Variants in CDH8 observed in about 807,000 individuals in gnomAD.
CDH8 encodes cadherin 8.
CDH8 carries 17 observed loss-of-function variants against 68.1 expected under a neutral mutation model. The observed-to-expected ratio is 0.25, with a 90% CI of 0.17 to 0.37. The LOEUF (loss-of-function observed/expected upper bound fraction) is 0.37. Ranked by LOEUF, CDH8 falls within the 10% of genes least tolerant of loss-of-function variation. The pLI is 1.00. For missense variants in CDH8, 763 were observed against 999.3 expected (o/e 0.76, Z 3.19); for synonymous variants, 372 against 365.1 (o/e 1.02, Z -0.21).
chr16:62,004,248 A>C (rs1034115006), intron 2 of CDH8, among the ~76,000 whole-genome samples: 25 of 152,198 alleles, frequency 1.6e-4, no homozygotes, highest in Non-Finnish European at 2.6e-4. Flanking sequence ...CAAATCTTAC[A>C]TAGTACCTTT....
intron 2 of CDH8, among the ~76,000 whole-genome samples, chr16:61,942,502 T>TAAAACAAAAC (rs1178635633): frequency 6.6e-6 from 1 of 151,952 alleles, no homozygotes; most frequent in Non-Finnish European, 1.5e-5. Flanking sequence ...AGACTGCCTC[T>TAAAACAAAAC]AAAACAAAAC....
rs1277333078 is a variant in CDH8 at position 61,695,470 on chromosome 16, T to C, written c.1654+18371A>G. On this transcript the variant is annotated intron_variant, in intron 10 of 11. Coordinates refer to ENST00000577390, the MANE Select transcript of CDH8 (RefSeq NM_001796.5). The stretch of plus-strand genomic sequence containing the variant: ...ATGACCTTATTTGGGTCAATTCGTT[T>C]AGTAATAATCCCTTGATCTGAGGCC... 5.9e-5 allele frequency among the ~76,000 whole-genome samples: 9 copies of C among 152,184 alleles called. No homozygotes were observed. In the East Asian group the frequency reaches 1.7e-3, roughly 29 times the overall value.
intron 10 of CDH8, among the ~76,000 whole-genome samples, chr16:61,657,770 CTA>C (rs1304676996): frequency 6.6e-6 from 1 of 152,032 alleles, no homozygotes; most frequent in Non-Finnish European, 1.5e-5. Context: ...GTTGACATTT[CTA>C]TGAGAAACAA....
rs116343436 is a variant in CDH8, at chr16:61,773,289, A to G, written c.1414+16057T>C. Among the ~76,000 whole-genome samples the G allele has an allele frequency of 9.2e-3, 1,393 of 152,156 alleles. 29 individuals carry two copies. The highest frequency in any genetic ancestry group is 0.032 in the African/African-American group (1,343 of 41,538). On this transcript the variant is annotated intron_variant, in intron 8 of 11. Coordinates refer to ENST00000577390, the MANE Select transcript of CDH8 (RefSeq NM_001796.5). ...AGAATCTCACCCTACTCCACACTACATACATGATTTTTTTGTGTGAATGAT... is the reference window on the plus strand; with the variant it reads ...AGAATCTCACCCTACTCCACACTACGTACATGATTTTTTTGTGTGAATGAT...
At chr16:61,755,707 G>T (rs1362974353) in intron 8 of CDH8, among the ~76,000 whole-genome samples, 1 of 151,918 alleles carries the variant, frequency 6.6e-6, no homozygotes, top group Non-Finnish European at 1.5e-5. Flanking sequence ...ATTTAATCAA[G>T]ATAAAATAAC....
intron 2 of CDH8, among the ~76,000 whole-genome samples, chr16:62,016,696 C>A (rs1053038539): frequency 1.3e-5 from 2 of 152,216 alleles, no homozygotes; most frequent in African/African-American, 4.8e-5. Flanking sequence ...CTCTGCCTTG[C>A]CTTGGTCCAC....
At chr16:61,770,149 C>T (rs1179768926) in intron 8 of CDH8, among the ~76,000 whole-genome samples, 1 of 151,830 alleles carries the variant, frequency 6.6e-6, no homozygotes, top group Non-Finnish European at 1.5e-5. Flanking sequence ...CAGGTTACAT[C>T]CATCTAAACA....
intron 8 of CDH8, among the ~76,000 whole-genome samples, chr16:61,740,989 A>G (rs1449153245): frequency 1.3e-5 from 2 of 152,166 alleles, no homozygotes; most frequent in Non-Finnish European, 2.9e-5. Context: ...GGATATACCA[A>G]CTTACCCTCT....
chr16:61,712,867 A>G (rs1176411002), intron 10 of CDH8, among the ~76,000 whole-genome samples: 1 of 151,674 alleles, frequency 6.6e-6, no homozygotes, highest in Non-Finnish European at 1.5e-5. Context: ...ATAAAATGTT[A>G]TTTTACTTCA....
At chr16:61,807,569 C>A (rs2142998311) in intron 7 of CDH8, among the ~76,000 whole-genome samples, 1 of 152,214 alleles carries the variant, frequency 6.6e-6, no homozygotes, top group South Asian at 2.1e-4. Context: ...TGTGCGTATC[C>A]ATTATAGACA....
At chr16:61,884,493 C>A (rs1325966526) in intron 3 of CDH8, among the ~76,000 whole-genome samples, 1 of 151,598 alleles carries the variant, frequency 6.6e-6, no homozygotes, top group African/African-American at 2.4e-5. Context: ...CCTGCCTCAG[C>A]CTCCCAAGTA....
At chr16:61,719,994 AACACACACAC>A (rs10595910) in intron 9 of CDH8, among the ~76,000 whole-genome samples, 3 of 147,180 alleles carry the variant, frequency 2.0e-5, no homozygotes, top group East Asian at 2.1e-4. Context: ...CTTATTAGGT[AACACACACAC>A]ACACACACAC....
intron 2 of CDH8, among the ~76,000 whole-genome samples, chr16:61,923,928 T>C: frequency 6.6e-6 from 1 of 150,406 alleles, no homozygotes; most frequent in African/African-American, 2.4e-5. Flanking sequence ...GGTAAACTTC[T>C]GCAAGCATCA....
chr16:61,870,190 A>G (rs958231833), intron 3 of CDH8, among the ~76,000 whole-genome samples: 1 of 152,112 alleles, frequency 6.6e-6, no homozygotes, highest in African/African-American at 2.4e-5. Context: ...CAAATTTCCA[A>G]TTTACCAAGT....
chr16:61,791,156 A>G (rs1473986177), intron 7 of CDH8, among the ~76,000 whole-genome samples: 1 of 151,984 alleles, frequency 6.6e-6, no homozygotes, highest in Non-Finnish European at 1.5e-5. Context: ...AAACTAAGAC[A>G]CTGACTTTTA....
chr16:61,992,077 T>TGTGTGTGTGTGTGTGAGAGAGA (rs34925928), intron 2 of CDH8, among the ~76,000 whole-genome samples: 28 of 144,246 alleles, frequency 1.9e-4, no homozygotes, highest in African/African-American at 7.3e-4. Flanking sequence ...TGTGTGTGTG[T>TGTGTGTGTGTGTGTGAGAGAGA]GAGAGAGAGA....
intron 8 of CDH8, among the ~76,000 whole-genome samples, chr16:61,754,027 A>T (rs1037781788): frequency 6.6e-6 from 1 of 152,158 alleles, no homozygotes; most frequent in East Asian, 1.9e-4. Context: ...AGGACTCCCA[A>T]CATTTCTGGA....
intron 7 of CDH8, among the ~76,000 whole-genome samples, chr16:61,813,558 G>A (rs1962002250): frequency 6.6e-6 from 1 of 152,168 alleles, no homozygotes; most frequent in Non-Finnish European, 1.5e-5. Context: ...CGCACTGGGG[G>A]AACAGGGTGG....
intron 4 of CDH8, among the ~76,000 whole-genome samples, chr16:61,847,100 T>C (rs956716896): frequency 6.6e-6 from 1 of 152,104 alleles, no homozygotes; most frequent in Non-Finnish European, 1.5e-5. Flanking sequence ...AAATTAAATG[T>C]ATCAAAATCC....
Sources: allele counts gnomAD v4.1 joint callset (sites outside exome capture counted in the v4.1 genomes callset), GRCh38; gene constraint gnomAD v4.1.1; transcripts MANE v1.5; gene names NCBI Gene and HGNC (gene_info 2026-07-23, HGNC 2026-07-21).